Variants in FREM3 observed in about 807,000 individuals in gnomAD.
FREM3 encodes the protein FRAS1 related extracellular matrix 3.
Under a neutral mutation model 129.1 loss-of-function variants are expected in FREM3, and 105 were observed. The observed-to-expected ratio is 0.81, with a 90% CI of 0.69 to 0.96. The LOEUF (loss-of-function observed/expected upper bound fraction) is 0.96, where lower values mean the gene tolerates loss of function less well. Among genes scored for constraint, FREM3 ranks in the 40% least tolerant of loss-of-function variants. FREM3 has a pLI of 0.00. For missense variants in FREM3, 2,593 were observed against 2,666.3 expected (o/e 0.97, Z 0.61); for synonymous variants, 1,014 against 1,044.9 (o/e 0.97, Z 0.57).
At chr4:143,584,271 C>T (rs575137426) in intron 7 of FREM3, among the ~76,000 whole-genome samples, 7 of 151,774 alleles carry the variant, frequency 4.6e-5, no homozygotes, top group South Asian at 2.1e-4. Context: ...TAGCCGGGCG[C>T]GGTGGCGGGC....
chr4:143,590,744 T>C (rs1474770516), intron 6 of FREM3, among the ~76,000 whole-genome samples: 2 of 152,244 alleles, frequency 1.3e-5, no homozygotes, highest in Admixed American at 1.3e-4. Context: ...AGGATGATGC[T>C]GGCCTCATAA....
intron 2 of FREM3, among the ~76,000 whole-genome samples, chr4:143,675,604 T>C (rs1740101319): frequency 1.3e-5 from 2 of 152,140 alleles, no homozygotes; most frequent in African/African-American, 4.8e-5. Context: ...ATCCAGGAGC[T>C]GGTTTTTTGA....
chr4:143,676,128 T>C (rs1740115396), intron 2 of FREM3, among the ~76,000 whole-genome samples: 2 of 152,184 alleles, frequency 1.3e-5, no homozygotes, highest in Non-Finnish European at 1.5e-5. Flanking sequence ...TGAACATTGA[T>C]GCAAAAATCC....
intron 2 of FREM3, among the ~76,000 whole-genome samples, chr4:143,664,360 T>C (rs1339431997): frequency 3.3e-5 from 5 of 152,148 alleles, no homozygotes; most frequent in Non-Finnish European, 7.4e-5. Flanking sequence ...CTCCAGACCC[T>C]GTTTGCCTAG....
chr4:143,665,712 C>A (rs113909041), intron 2 of FREM3, among the ~76,000 whole-genome samples: 2 of 152,166 alleles, frequency 1.3e-5, no homozygotes, highest in African/African-American at 4.8e-5. Context: ...AAATTGAATA[C>A]AGTTCTATGC....
At chr4:143,683,591 G>A (rs1425405739) in intron 2 of FREM3, among the ~76,000 whole-genome samples, 1 of 152,184 alleles carries the variant, frequency 6.6e-6, no homozygotes, top group African/African-American at 2.4e-5. Context: ...GGAGCAGGGG[G>A]AGAACTACAC....
At chr4:143,620,195 A>G (rs1578837614) in intron 5 of FREM3, among the ~76,000 whole-genome samples, 1 of 152,108 alleles carries the variant, frequency 6.6e-6, no homozygotes, top group African/African-American at 2.4e-5. Flanking sequence ...ATAACCAATC[A>G]TATAGGATGC....
chr4:143,620,449 A>G (rs1457727714), intron 5 of FREM3, among the ~76,000 whole-genome samples: 2 of 152,168 alleles, frequency 1.3e-5, no homozygotes, highest in Non-Finnish European at 1.5e-5. Flanking sequence ...GTTGCTAATA[A>G]GATGTTAGAG....
intron 2 of FREM3, among the ~76,000 whole-genome samples, chr4:143,676,139 T>C (rs1221580994): frequency 6.6e-6 from 1 of 152,174 alleles, no homozygotes; most frequent in Non-Finnish European, 1.5e-5. Context: ...GCAAAAATCC[T>C]CAATAAAATA....
chr4:143,595,757 A>T (rs6837174), intron 6 of FREM3, among the ~76,000 whole-genome samples: 3 of 152,070 alleles, frequency 2.0e-5, no homozygotes, highest in South Asian at 2.1e-4. Context: ...GTGTGGTGGC[A>T]GGCTCCTGTA....
intron 2 of FREM3, among the ~76,000 whole-genome samples, chr4:143,688,019 CAGAAAAGAGGA>C (rs1287153881): frequency 6.6e-6 from 1 of 152,074 alleles, no homozygotes; most frequent in Non-Finnish European, 1.5e-5. Flanking sequence ...CCAGAGCAAT[CAGAAAAGAGGA>C]AGAAATAAAG....
chr4:143,664,164 G>C (rs371792182), intron 2 of FREM3, among the ~76,000 whole-genome samples: 14 of 152,070 alleles, frequency 9.2e-5, no homozygotes, highest in Admixed American at 2.0e-4. Context: ...AGGCGCTCTG[G>C]TTTTTAGAGT....
rs1740605422 is a variant in FREM3, at chr4:143,697,840, A to G, written c.2836T>C (p.Ser946Pro). The change falls in exon 1 of 8, where the codon TCT becomes CCT. Residue 946 changes from serine to proline, a missense_variant. By Grantham distance (74) the Ser-to-Pro change is moderately conservative. Around this residue, in one of 2 missense-constraint regions of FREM3, gnomAD observed 2,276 missense variants for 2,267.2 expected, o/e 1.00. Coordinates refer to ENST00000329798, the MANE Select transcript of FREM3 (RefSeq NM_001168235.2). ...TCCAATAATGAACTACTTCTGAGAG[A>G]GATCCTAGGACTTCTGTTAGCCACA... ...PNVANRSPRI[S>P]LRSSSLLDVS... The G allele has an allele frequency of 6.5e-7, 1 of 1,537,734 alleles. No individual in the cohort carries two copies. Among genetic ancestry groups the G allele is most frequent in the Non-Finnish European group, 8.7e-7 (1 of 1,147,002 alleles).
At chr4:143,617,209 A>G (rs1220191363) in intron 5 of FREM3, among the ~76,000 whole-genome samples, 1 of 152,178 alleles carries the variant, frequency 6.6e-6, no homozygotes, top group Non-Finnish European at 1.5e-5. Flanking sequence ...ATTATAGAGC[A>G]AGAGTTTTCA....
Position 143,700,501 on chromosome 4 carries a change from C to G in FREM3, c.175G>C (p.Gly59Arg). The change falls in exon 1 of 8, where the codon GGC (glycine) becomes CGC (arginine). Residue 59 changes from glycine to arginine, a missense_variant. Physicochemically the swap from Gly to Arg is moderately radical, Grantham distance 125. Transcript: ENST00000329798. ...GGGTTGGCAATCAGCACGCTGGGGC[C>G]GTCGGGGCGAGTGCCGTCAAGCGCA... is the stretch of plus-strand genomic sequence containing the variant. ...RGALDGTRPD[G>R]PSVLIANPGL... The G allele has an allele frequency of 6.6e-7, 1 of 1,513,438 alleles. No homozygotes were observed. The highest frequency in any genetic ancestry group is 8.8e-7 in the Non-Finnish European group (1 of 1,133,730). The allele number at this position is 1,513,438 out of a possible 1,614,324, so 93.8% of individuals were successfully genotyped here.
chr4:143,605,026 A>G (rs1738644560), intron 6 of FREM3, among the ~76,000 whole-genome samples: 1 of 152,148 alleles, frequency 6.6e-6, no homozygotes. Context: ...GCAAGGGTAG[A>G]CTTTGTAGTC....
intron 2 of FREM3, among the ~76,000 whole-genome samples, chr4:143,691,361 A>G (rs1164421792): frequency 6.6e-6 from 1 of 152,112 alleles, no homozygotes; most frequent in Non-Finnish European, 1.5e-5. Flanking sequence ...ATCACCACCA[A>G]AGAACTTACT....
chr4:143,630,630 C>CT (rs1380579207), intron 2 of FREM3, among the ~76,000 whole-genome samples: 10 of 152,156 alleles, frequency 6.6e-5, no homozygotes, highest in Admixed American at 6.6e-4. Context: ...TCAATGCTTT[C>CT]TGTGACCACA....
At chr4:143,664,916 T>C (rs1578858846) in intron 2 of FREM3, among the ~76,000 whole-genome samples, 1 of 152,174 alleles carries the variant, frequency 6.6e-6, no homozygotes, top group African/African-American at 2.4e-5. Context: ...AATCTCCTAG[T>C]GCACCGTTTT....
Sources: gnomAD v4.1 joint callset for allele counts (sites outside exome capture counted in the v4.1 genomes callset) on GRCh38, gnomAD v4.1.1 for gene constraint, gnomAD v4.1.1 regional missense constraint, MANE v1.5 for transcripts, NCBI Gene and HGNC (gene_info 2026-07-23, HGNC 2026-07-21) for gene names.